KCNIP4: variants seen among roughly 807,000 people sequenced by gnomAD.
KCNIP4 encodes the protein Kv channel-interacting protein 4.
In KCNIP4, 12 loss-of-function variants were observed where a neutral mutation model predicts 34.0. That is an observed-to-expected ratio of 0.35 (90% CI 0.23 to 0.57). The LOEUF (loss-of-function observed/expected upper bound fraction) is 0.57. KCNIP4 is among the 20% of genes least tolerant of loss of function. The probability of loss-of-function intolerance (pLI) is 0.83; values close to 1 mark genes in which losing one functional copy is unlikely to be tolerated. For synonymous variants in KCNIP4, 124 were observed against 102.2 expected, an observed-to-expected ratio of 1.21 and a Z score of -1.29; for missense variants, 238 against 311.7, an observed-to-expected ratio of 0.76 and a Z score of 1.78.
intron 1 of KCNIP4, among the ~76,000 whole-genome samples, chr4:20,954,262 G>A (rs1042590118): frequency 5.9e-5 from 9 of 152,110 alleles, no homozygotes; most frequent in Admixed American, 2.6e-4. Flanking sequence ...TATTCTGTAC[G>A]AAAGAAACAT....
chr4:21,442,744 T>G lies in KCNIP4; in HGVS notation c.61+505827A>C, dbSNP rs555465657. Among the ~76,000 whole-genome samples the G allele has an allele frequency of 9.6e-4, 146 of 152,320 alleles. 1 individual carries two copies. The highest frequency in any genetic ancestry group is 1.6e-3 in the Non-Finnish European group (109 of 68,036). Reference sequence around the variant, plus strand: ...GTTCAGCTCATGTACCCCATTCTTCTTCTATCATTACTTATTATCTTGATG... The same window carrying G: ...GTTCAGCTCATGTACCCCATTCTTCGTCTATCATTACTTATTATCTTGATG... On this transcript the variant is annotated intron_variant, in intron 1 of 8. Coordinates refer to ENST00000382152, the MANE Select transcript of KCNIP4 (RefSeq NM_025221.6).
intron 1 of KCNIP4, among the ~76,000 whole-genome samples, chr4:21,656,253 C>T (rs1312235087): frequency 1.3e-5 from 2 of 152,150 alleles, no homozygotes; most frequent in African/African-American, 4.8e-5. Flanking sequence ...GGCATCCCTC[C>T]TGTGTGAGCC....
intron 1 of KCNIP4, among the ~76,000 whole-genome samples, chr4:20,903,853 A>T (rs1433340465): frequency 6.6e-6 from 1 of 152,108 alleles, no homozygotes. Flanking sequence ...CAATGCCTTT[A>T]ATTGCCTGAG....
intron 1 of KCNIP4, among the ~76,000 whole-genome samples, chr4:21,350,087 T>A: frequency 6.6e-6 from 1 of 152,224 alleles, no homozygotes; most frequent in African/African-American, 2.4e-5. Flanking sequence ...ATTACTCTAA[T>A]TTATTTATTA....
In KCNIP4 at chr4:21,373,082, A is replaced by ATATT. The variant is rs74449248; in HGVS notation, c.62-490374_62-490373insAATA. ...GATAAAATGGCTCAGTGAACAGATTAAAAAAAATTTTCTAATGGTAAATAA... is the reference window on the plus strand; with the variant it reads ...GATAAAATGGCTCAGTGAACAGATTATATTAAAAAAATTTTCTAATGGTAAATAA... On this transcript the variant is annotated intron_variant, in intron 1 of 8. Transcript: ENST00000382152. Among the ~76,000 whole-genome samples the ATATT allele has an allele frequency of 5.1e-3, 729 of 142,554 alleles. 119 individuals carry two copies. Among genetic ancestry groups the ATATT allele is most frequent in the African/African-American group, 0.019 (655 of 34,874 alleles). The allele number at this position is 142,554 out of a possible 152,430, so 93.5% of individuals were successfully genotyped here.
intron 1 of KCNIP4, among the ~76,000 whole-genome samples, chr4:21,211,801 G>A (rs1757242554): frequency 6.6e-6 from 1 of 151,948 alleles, no homozygotes; most frequent in African/African-American, 2.4e-5. Flanking sequence ...AGAAATATAA[G>A]CCCAAAGAGG....
At chr4:20,998,849 T>C (rs1185925630) in intron 1 of KCNIP4, among the ~76,000 whole-genome samples, 1 of 152,218 alleles carries the variant, frequency 6.6e-6, no homozygotes, top group African/African-American at 2.4e-5. Flanking sequence ...AAAGTTCTTA[T>C]GCTTTTTTAT....
rs16870430 is a variant in KCNIP4, at chr4:21,116,327, C to T, written c.62-233618G>A. On this transcript the variant is annotated intron_variant, in intron 1 of 8. Transcript: ENST00000382152. ...GCAAAATTTGCTGTTGTTGTTGTGGCTTTCTTAGGCTGTTGGTTTCCTAAT... is the reference window on the plus strand; with the variant it reads ...GCAAAATTTGCTGTTGTTGTTGTGGTTTTCTTAGGCTGTTGGTTTCCTAAT... Among the ~76,000 whole-genome samples the T allele has an allele frequency of 5.3e-3, 810 of 152,282 alleles. 5 individuals carry two copies. The highest frequency in any genetic ancestry group is 0.017 in the African/African-American group (717 of 41,558).
At chr4:21,213,418 C>T (rs944910769) in intron 1 of KCNIP4, among the ~76,000 whole-genome samples, 3 of 152,110 alleles carry the variant, frequency 2.0e-5, no homozygotes, top group Admixed American at 6.6e-5. Flanking sequence ...TCTCCTGCCT[C>T]AGCCTTCCAA....
intron 1 of KCNIP4, among the ~76,000 whole-genome samples, chr4:21,447,969 T>C (rs1306557942): frequency 1.3e-5 from 2 of 152,102 alleles, no homozygotes; most frequent in Non-Finnish European, 2.9e-5. Context: ...GAATTTTCCA[T>C]TTAATATTTT....
At chr4:21,610,798 G>T (rs897236273) in intron 1 of KCNIP4, among the ~76,000 whole-genome samples, 3 of 152,002 alleles carry the variant, frequency 2.0e-5, no homozygotes, top group African/African-American at 7.2e-5. Context: ...TACAAACATG[G>T]TGAAAAGGGA....
intron 3 of KCNIP4, among the ~76,000 whole-genome samples, chr4:20,777,193 A>C (rs1399086483): frequency 6.6e-6 from 1 of 152,194 alleles, no homozygotes; most frequent in Non-Finnish European, 1.5e-5. Flanking sequence ...GGAAGAAAAC[A>C]TGTCCTTCTT....
intron 3 of KCNIP4, among the ~76,000 whole-genome samples, chr4:20,837,637 T>TAA (rs398107068): frequency 6.8e-6 from 1 of 147,962 alleles, no homozygotes; most frequent in Non-Finnish European, 1.5e-5. Flanking sequence ...TATATATATA[T>TAA]AAATTATTTA....
intron 3 of KCNIP4, among the ~76,000 whole-genome samples, chr4:20,817,179 T>G (rs992780485): frequency 2.0e-5 from 3 of 152,244 alleles, no homozygotes; most frequent in African/African-American, 7.2e-5. Context: ...TGTGGGAATT[T>G]AAATTTTAGT....
chr4:21,814,193 C>A lies in KCNIP4; in HGVS notation c.61+134378G>T, dbSNP rs185152589. Among the ~76,000 whole-genome samples, 6 of 152,160 alleles carry A rather than the reference C, an allele frequency of 3.9e-5. No homozygotes were observed. In the East Asian group the frequency reaches 1.2e-3, roughly 29 times the overall value. On this transcript the variant is annotated intron_variant, in intron 1 of 8. Coordinates refer to ENST00000382152, the MANE Select transcript of KCNIP4 (RefSeq NM_025221.6). ...TAATCTAACCTTTTCTGATCTAAGA[C>A]CCTATGAAATACCATTGATCTAAAT...
intron 3 of KCNIP4, among the ~76,000 whole-genome samples, chr4:20,814,593 C>T (rs1033585949): frequency 1.3e-5 from 2 of 152,192 alleles, no homozygotes; most frequent in Admixed American, 1.3e-4. Flanking sequence ...CCTCTCCCTC[C>T]AAGCAAGAGC....
At chr4:21,720,299 A>T (rs1393144041) in intron 1 of KCNIP4, among the ~76,000 whole-genome samples, 3 of 152,118 alleles carry the variant, frequency 2.0e-5, no homozygotes, top group Non-Finnish European at 4.4e-5. Context: ...TGTAAAATAT[A>T]AATTGAAAAA....
intron 1 of KCNIP4, among the ~76,000 whole-genome samples, chr4:21,268,489 G>C (rs1486328572): frequency 6.6e-6 from 1 of 152,094 alleles, no homozygotes; most frequent in Non-Finnish European, 1.5e-5. Context: ...ATTAGCTATT[G>C]ATGTTTTCTA....
intron 2 of KCNIP4, among the ~76,000 whole-genome samples, chr4:20,869,605 C>T (rs1723228812): frequency 6.6e-6 from 1 of 152,036 alleles, no homozygotes; most frequent in Admixed American, 6.6e-5. Flanking sequence ...TTTCCCACCT[C>T]TGGCTGGACA....
Sources: allele counts gnomAD v4.1 joint callset (sites outside exome capture counted in the v4.1 genomes callset), GRCh38; gene constraint gnomAD v4.1.1; transcripts MANE v1.5; gene names NCBI Gene and HGNC (gene_info 2026-07-23, HGNC 2026-07-21).